PIK3C2G: variants seen among roughly 807,000 people sequenced by gnomAD.
PIK3C2G encodes phosphatidylinositol-4-phosphate 3-kinase catalytic subunit type 2 gamma, also known as phosphatidylinositol 3-kinase C2 domain-containing subunit gamma.
In PIK3C2G, 168 loss-of-function variants were observed where a neutral mutation model predicts 181.1. That is an observed-to-expected ratio of 0.93 (90% CI 0.82 to 1.05). PIK3C2G has a LOEUF of 1.05. Among genes scored for constraint, PIK3C2G ranks in the 50% least tolerant of loss-of-function variants. The probability of loss-of-function intolerance (pLI) is 0.00; values close to 1 mark genes in which losing one functional copy is unlikely to be tolerated. For synonymous variants in PIK3C2G, 573 were observed against 592.2 expected (o/e 0.97, Z 0.47); for missense variants, 1,869 against 1,732.8 (o/e 1.08, Z -1.40).
chr12:18,322,277 G>C (rs985622164), intron 7 of PIK3C2G, among the ~76,000 whole-genome samples: 2 of 151,834 alleles, frequency 1.3e-5, no homozygotes, highest in Admixed American at 6.6e-5. Context: ...AGCTACTTGG[G>C]AGGCTGAGGC....
intron 29 of PIK3C2G, among the ~76,000 whole-genome samples, chr12:18,587,969 G>T (rs960750580): frequency 6.6e-6 from 1 of 151,788 alleles, no homozygotes; most frequent in Non-Finnish European, 1.5e-5. Flanking sequence ...ATAGCCAACC[G>T]TTTTTTGACA....
the PIK3C2G span, among the ~76,000 whole-genome samples, chr12:18,660,215 C>T: frequency 6.6e-6 from 1 of 152,110 alleles, no homozygotes; most frequent in Non-Finnish European, 1.5e-5. Context: ...GGCTATCCAT[C>T]CCCATTCTCC....
chr12:18,369,426 T>A (rs947576952), intron 12 of PIK3C2G, among the ~76,000 whole-genome samples: 1 of 151,886 alleles, frequency 6.6e-6, no homozygotes, highest in African/African-American at 2.4e-5. Context: ...GATCATATAA[T>A]TGACATATGA....
At chr12:18,258,767 G>A (rs1472775874), upstream of PIK3C2G, among the ~76,000 whole-genome samples, 2 of 151,738 alleles carry the variant, frequency 1.3e-5, no homozygotes, top group African/African-American at 2.4e-5. Flanking sequence ...AAAATGTTGA[G>A]GCTCAGGTTG....
intron 21 of PIK3C2G, 45 bp from the exon 22 acceptor site, chr12:18,497,574 C>CAA (rs753143471): frequency 1.3e-6 from 2 of 1,541,332 alleles, no homozygotes; most frequent in Non-Finnish European, 1.8e-6. Flanking sequence ...TTTTAATTAA[C>CAA]AAATTCAAGG....
chr12:18,245,147 G>GA (rs148071233), upstream of PIK3C2G, among the ~76,000 whole-genome samples: 2,730 of 152,062 alleles, frequency 0.018, 81 homozygotes, highest in African/African-American at 0.062. Context: ...TTGTGAGTCA[G>GA]AAAAAATAGG....
At chr12:18,368,127 G>C (rs1003476872) in intron 12 of PIK3C2G, among the ~76,000 whole-genome samples, 1 of 152,104 alleles carries the variant, frequency 6.6e-6, no homozygotes, top group East Asian at 1.9e-4. Context: ...AACACCTGGG[G>C]ATTAAAATTC....
At chr12:18,309,081 A>G (rs1323220311) in intron 5 of PIK3C2G, among the ~76,000 whole-genome samples, 1 of 151,754 alleles carries the variant, frequency 6.6e-6, no homozygotes, top group African/African-American at 2.4e-5. Flanking sequence ...CTTTGATACT[A>G]CACCAAAATC....
intron 25 of PIK3C2G, among the ~76,000 whole-genome samples, chr12:18,544,771 C>T (rs1944335290): frequency 1.3e-5 from 2 of 151,904 alleles, no homozygotes; most frequent in South Asian, 2.1e-4. Flanking sequence ...GACAACTCTC[C>T]AGGACTCCCT....
At chr12:18,673,720 C>T in the PIK3C2G span, among the ~76,000 whole-genome samples, 1 of 152,182 alleles carries the variant, frequency 6.6e-6, no homozygotes, top group East Asian at 1.9e-4. Context: ...AAAGGGTCTG[C>T]AGTCTCATCT....
chr12:18,530,028 C>G (rs958489415), intron 24 of PIK3C2G, among the ~76,000 whole-genome samples: 8 of 152,114 alleles, frequency 5.3e-5, no homozygotes, highest in Non-Finnish European at 1.0e-4. Flanking sequence ...AATGAGGCAC[C>G]CTCATGGCCC....
intron 24 of PIK3C2G, among the ~76,000 whole-genome samples, chr12:18,529,126 T>C (rs1310469401): frequency 6.6e-6 from 1 of 152,102 alleles, no homozygotes; most frequent in Non-Finnish European, 1.5e-5. Context: ...TTGGGATAGA[T>C]GACTGTTTCT....
chr12:18,711,817 A>T, the PIK3C2G span, among the ~76,000 whole-genome samples: 1 of 152,020 alleles, frequency 6.6e-6, no homozygotes, highest in Non-Finnish European at 1.5e-5. Context: ...AGTTCAAGAA[A>T]GAGACTGGAG....
chr12:18,362,043 G>C (rs1941277490), intron 11 of PIK3C2G, among the ~76,000 whole-genome samples: 1 of 151,974 alleles, frequency 6.6e-6, no homozygotes, highest in African/African-American at 2.4e-5. Context: ...CTCCAAGACA[G>C]ACAAGACAGA....
At chr12:18,348,811 T>C (rs1939933013) in intron 11 of PIK3C2G, among the ~76,000 whole-genome samples, 1 of 152,218 alleles carries the variant, frequency 6.6e-6, no homozygotes, top group Admixed American at 6.5e-5. Context: ...GTTCACATTC[T>C]GAGGCTCAAG....
At chr12:18,423,201 A>T (rs930728377) in intron 17 of PIK3C2G, among the ~76,000 whole-genome samples, 3 of 151,784 alleles carry the variant, frequency 2.0e-5, no homozygotes, top group Non-Finnish European at 4.4e-5. Context: ...TTATCAAACA[A>T]CTAAAGATAT....
chr12:18,495,987 G>C, intron 20 of PIK3C2G, 75 bp from the exon 21 acceptor site: 1 of 694,438 alleles, frequency 1.4e-6, no homozygotes, highest in Admixed American at 3.5e-5. Context: ...ATGATTTTGG[G>C]GAAAAGGTTT....
chr12:18,541,923 C>T (rs968166827), intron 25 of PIK3C2G, among the ~76,000 whole-genome samples: 1 of 151,820 alleles, frequency 6.6e-6, no homozygotes, highest in Non-Finnish European at 1.5e-5. Flanking sequence ...GCAAACTTGG[C>T]ACATGTTACC....
At chr12:18,684,892 T>TG in the PIK3C2G span, among the ~76,000 whole-genome samples, 1 of 151,908 alleles carries the variant, frequency 6.6e-6, no homozygotes, top group African/African-American at 2.4e-5. Flanking sequence ...TGAGATCTGA[T>TG]GGTTTTATAA....
Sources: allele counts gnomAD v4.1 joint callset (sites outside exome capture counted in the v4.1 genomes callset), GRCh38; gene constraint gnomAD v4.1.1; transcripts MANE v1.5; gene names NCBI Gene and HGNC (gene_info 2026-07-23, HGNC 2026-07-21).